Variants in ZC3H7A observed in about 807,000 individuals in gnomAD.
ZC3H7A encodes zinc finger CCCH domain-containing protein 7A.
In ZC3H7A, 44 loss-of-function variants were observed where a neutral mutation model predicts 125.5. The observed-to-expected ratio is 0.35, with a 90% CI of 0.28 to 0.45. The LOEUF (loss-of-function observed/expected upper bound fraction) is 0.45. Ranked by LOEUF, ZC3H7A falls within the 20% of genes least tolerant of loss-of-function variation. The pLI is 1.00. For synonymous variants in ZC3H7A, 399 were observed against 391.2 expected (o/e 1.02, Z -0.23); for missense variants, 977 against 1,170.7 (o/e 0.83, Z 2.41).
chr16:11,756,477 A>C, intron 20 of ZC3H7A, 107 bp from the exon 21 acceptor site: 18 of 1,355,686 alleles, frequency 1.3e-5, no homozygotes, highest in Middle Eastern at 2.7e-4. Flanking sequence ...AAAGAAACTC[A>C]AGGGGGCTGA....
Position 11,765,863 on chromosome 16 carries a change from A to G in ZC3H7A, c.1523-178T>C, listed in dbSNP as rs1270032632. On this transcript the variant is annotated intron_variant, in intron 13 of 22. Coordinates refer to ENST00000355758, the MANE Select transcript of ZC3H7A (RefSeq NM_014153.4). The surrounding 1 kb of genome is among the most constrained non-coding windows in gnomAD (Gnocchi z 4.8). ...CAGAGCAAGTCCCAGTGTCAAAATA[A>G]ACAAACAAACAAAAAAAGATGGTAA... Among the ~76,000 whole-genome samples the G allele has an allele frequency of 1.3e-5, 2 of 152,126 alleles. No individual in the cohort carries two copies. Among genetic ancestry groups the G allele is most frequent in the African/African-American group, 4.8e-5 (2 of 41,408 alleles).
chr16:11,761,836 G>C, intron 18 of ZC3H7A, 74 bp downstream of exon 18: 1 of 1,566,032 alleles, frequency 6.4e-7, no homozygotes, highest in Non-Finnish European at 8.6e-7. Flanking sequence ...TAAACTTTTT[G>C]CTTATGTGTA....
chr16:11,764,637 A>T (rs2141175973), intron 15 of ZC3H7A, among the ~76,000 whole-genome samples: 1 of 152,124 alleles, frequency 6.6e-6, no homozygotes, highest in African/African-American at 2.4e-5. Flanking sequence ...CAGGAGATTC[A>T]CTTGAATCTG....
At chr16:11,755,209 CA>C (rs71136681) in intron 21 of ZC3H7A, among the ~76,000 whole-genome samples, 18,530 of 96,730 alleles carry the variant, frequency 0.19, 1,339 homozygotes, top group South Asian at 0.31. Context: ...GACTCCATCT[CA>C]AAAAAAAAAA....
intron 1 of ZC3H7A, among the ~76,000 whole-genome samples, chr16:11,792,011 A>C (rs1343919882): frequency 6.6e-6 from 1 of 152,166 alleles, no homozygotes; most frequent in Non-Finnish European, 1.5e-5. Flanking sequence ...TCCAGAGCTC[A>C]ATCTTCCCAT....
intron 12 of ZC3H7A, 145 bp from the exon 13 acceptor site, chr16:11,767,723 T>A: frequency 1.3e-6 from 1 of 782,678 alleles, no homozygotes; most frequent in Non-Finnish European, 1.9e-6. Context: ...AAAATGTAAG[T>A]AGGCTACTAA....
intron 19 of ZC3H7A, 22 bp from the exon 20 acceptor site, chr16:11,758,561 T>G (rs766819537): frequency 6.3e-7 from 1 of 1,575,242 alleles, no homozygotes; most frequent in East Asian, 2.2e-5. Flanking sequence ...AATAGGAATA[T>G]GATTAAGACA....
At chr16:11,780,166 G>C (rs1469671984) in intron 3 of ZC3H7A, among the ~76,000 whole-genome samples, 1 of 149,212 alleles carries the variant, frequency 6.7e-6, no homozygotes, top group South Asian at 2.1e-4. Flanking sequence ...CTGGCACCCA[G>C]GCTGGAGTGC....
chr16:11,780,187 T>C (rs1567389671), intron 3 of ZC3H7A, among the ~76,000 whole-genome samples: 1 of 151,586 alleles, frequency 6.6e-6, no homozygotes, highest in Non-Finnish European at 1.5e-5. Flanking sequence ...AGTGGCACGA[T>C]CTCGGCTCTC....
chr16:11,781,396 T>C, intron 3 of ZC3H7A, 29 bp downstream of exon 3: 1 of 1,593,034 alleles, frequency 6.3e-7, no homozygotes, highest in Non-Finnish European at 8.6e-7. Flanking sequence ...CTTGCAGAGC[T>C]TTCAAGCAGA....
Position 11,768,518 on chromosome 16 carries a change from A to AAT in ZC3H7A, c.1174-18_1174-17insAT. On this transcript the variant is annotated splice_polypyrimidine_tract_variant and intron_variant, in intron 11 of 22. Transcript: ENST00000355758. ...TCCATTCATCTGCAAGAAAAATAAG[A>AAT]AGAAAAAAAAAAAAAACAGCCAACA... is the stretch of plus-strand genomic sequence containing the variant. 11 of 1,400,222 alleles carry AAT rather than the reference A, an allele frequency of 7.9e-6. No individual in the cohort carries two copies. The highest frequency in any genetic ancestry group is 2.5e-5 in the East Asian group (1 of 39,410). 86.7% of individuals were successfully genotyped at this position (1,400,222 alleles called of 1,614,324 possible).
chr16:11,764,406 G>A (rs529637498), intron 15 of ZC3H7A, among the ~76,000 whole-genome samples: 3 of 152,216 alleles, frequency 2.0e-5, no homozygotes, highest in African/African-American at 7.2e-5. Context: ...AAAATTAGAC[G>A]GGTGTGGTGG....
At chr16:11,778,601 C>G (rs1406106309) in intron 4 of ZC3H7A, among the ~76,000 whole-genome samples, 1 of 152,148 alleles carries the variant, frequency 6.6e-6, no homozygotes, top group Non-Finnish European at 1.5e-5. Flanking sequence ...TTTTTATAAG[C>G]AGACACACCT....
chr16:11,754,893 C>CAAAAAAAA (rs35345665), intron 21 of ZC3H7A, among the ~76,000 whole-genome samples: 4 of 68,856 alleles, frequency 5.8e-5, no homozygotes, highest in Admixed American at 3.8e-4. Flanking sequence ...CTCCGTCTCA[C>CAAAAAAAA]AAAAAAAAAA....
At chr16:11,789,001 C>T (rs1345388543) in intron 1 of ZC3H7A, among the ~76,000 whole-genome samples, 2 of 151,838 alleles carry the variant, frequency 1.3e-5, no homozygotes, top group East Asian at 1.9e-4. Context: ...CATAATACTA[C>T]ACACACACAC....
chr16:11,783,416 C>CA (rs1213526122), intron 1 of ZC3H7A, among the ~76,000 whole-genome samples: 4 of 152,186 alleles, frequency 2.6e-5, no homozygotes, highest in Non-Finnish European at 4.4e-5. Context: ...TGAGATAAAA[C>CA]ATCATCTCCC....
At chr16:11,763,843 GC>G (rs1348076542) in intron 15 of ZC3H7A, among the ~76,000 whole-genome samples, 184 bp from the exon 16 acceptor site, 1 of 134,232 alleles carries the variant, frequency 7.4e-6, no homozygotes, top group Non-Finnish European at 1.6e-5. Flanking sequence ...TCACTCTATC[GC>G]CCAGGCTGGA....
In ZC3H7A at chr16:11,765,709, A is replaced by T. The variant is rs775648172; in HGVS notation, c.1523-24T>A. Reference sequence around the variant, plus strand: ...ATCTAGAAAGACAGGGAATGGACAGACATTGAAAACATGGCAATTGGCCTG... The same window carrying T: ...ATCTAGAAAGACAGGGAATGGACAGTCATTGAAAACATGGCAATTGGCCTG... On this transcript the variant is annotated intron_variant, in intron 13 of 22. Transcript: ENST00000355758. The surrounding 1 kb of genome is among the most constrained non-coding windows in gnomAD (Gnocchi z 4.8). 3 of 1,597,804 alleles carry T rather than the reference A, an allele frequency of 1.9e-6. No individual in the cohort carries two copies. The Admixed American group carries it at 5.1e-5, about 27-fold the overall frequency.
At chr16:11,795,529 C>T (rs1410145625) in intron 1 of ZC3H7A, among the ~76,000 whole-genome samples, 5 of 152,146 alleles carry the variant, frequency 3.3e-5, no homozygotes, top group Non-Finnish European at 5.9e-5. Context: ...CTCTGCCTCC[C>T]GGTTCAAACG....
Sources: allele counts gnomAD v4.1 joint callset (sites outside exome capture counted in the v4.1 genomes callset), GRCh38; gene constraint gnomAD v4.1.1; non-coding constraint Gnocchi (gnomAD v3.1); transcripts MANE v1.5; gene names NCBI Gene and HGNC (gene_info 2026-07-23, HGNC 2026-07-21).